Variants in YAE1 observed in about 807,000 individuals in gnomAD.
YAE1 encodes the protein protein YAE1 homolog.
A neutral mutation model predicts 23.0 loss-of-function variants in YAE1; 22 were observed. The observed-to-expected ratio is 0.96, with a 90% CI of 0.68 to 1.37. The LOEUF is 1.37. YAE1 is among the 40% of genes most tolerant of loss of function. YAE1 has a pLI of 0.00. For synonymous variants in YAE1, 101 were observed against 97.0 expected, an observed-to-expected ratio of 1.04 and a Z score of -0.24; for missense variants, 260 against 262.1, an observed-to-expected ratio of 0.99 and a Z score of 0.06.
intron 2 of YAE1, among the ~76,000 whole-genome samples, chr7:39,582,326 C>T (rs950027294): frequency 2.0e-5 from 3 of 151,448 alleles, no homozygotes; most frequent in African/African-American, 7.3e-5. Flanking sequence ...AGCCACCATG[C>T]CCAGCCAAAA....
Position 39,566,453 on chromosome 7 carries a change from G to A in YAE1, c.35G>A (p.Gly12Asp), listed in dbSNP as rs1790467475. The A allele has an allele frequency of 6.2e-7, 1 of 1,614,120 alleles. No individual in the cohort carries two copies. Among genetic ancestry groups the A allele is most frequent in the Non-Finnish European group, 8.5e-7 (1 of 1,180,038 alleles). Residue 12 changes from glycine to aspartate, a missense_variant, in exon 1 of 3, where the codon GGC (glycine) becomes GAC (aspartate). Coordinates refer to ENST00000223273, the MANE Select transcript of YAE1 (RefSeq NM_020192.5). ...GTTCAAGCAGCCTCCTTGATCCAGG[G>A]CCCTGGAGACAAAGGGGACGTGTTT... ...SWVQAASLIQ[G>D]PGDKGDVFDE...
At chr7:39,610,909 A>G (rs1791204491), downstream of YAE1, among the ~76,000 whole-genome samples, 1 of 152,114 alleles carries the variant, frequency 6.6e-6, no homozygotes, top group South Asian at 2.1e-4. Flanking sequence ...GCACTTTGGG[A>G]GGAGGCCGAG....
chr7:39,578,269 CTG>C (rs1444699386), intron 2 of YAE1, among the ~76,000 whole-genome samples: 1 of 152,188 alleles, frequency 6.6e-6, no homozygotes, highest in African/African-American at 2.4e-5. Context: ...AATCAGCACT[CTG>C]TCAAAACGGA....
intron 2 of YAE1, among the ~76,000 whole-genome samples, chr7:39,601,526 G>A (rs1212418739): frequency 1.2e-4 from 18 of 152,182 alleles, no homozygotes; most frequent in Admixed American, 9.2e-4. Flanking sequence ...TTGGGAGGCC[G>A]AGATGGGTGG....
At chr7:39,609,614 C>T in intron 2 of YAE1, 1 of 1,533,356 alleles carries the variant, frequency 6.5e-7, no homozygotes, top group Non-Finnish European at 8.7e-7. Flanking sequence ...TCTATCAAAA[C>T]AGGAACTCAA....
downstream of YAE1, among the ~76,000 whole-genome samples, chr7:39,573,883 A>G (rs989696350): frequency 1.3e-5 from 2 of 152,176 alleles, no homozygotes; most frequent in African/African-American, 4.8e-5. Flanking sequence ...ACAGCTGGCT[A>G]AAAAAAGCTC....
rs745928284 is a variant in YAE1 at position 39,572,505 on chromosome 7, C to G, written c.480C>G (p.Leu160=). ...TTGATGAAGCTAAAGATGAAAGACT[C>G]TGTGAAAATAATGCTGAGTTTAACA... ...KKIDEAKDER[L]CENNAEFNKN... The change falls in exon 3 of 3, where the codon CTC becomes CTG. Residue 160 remains leucine (L), a synonymous_variant. Coordinates refer to ENST00000223273, the MANE Select transcript of YAE1 (RefSeq NM_020192.5). The G allele has an allele frequency of 6.2e-7, 1 of 1,614,098 alleles. No individual in the cohort carries two copies. Among genetic ancestry groups the G allele is most frequent in the South Asian group, 1.1e-5 (1 of 91,080 alleles).
At position 39,579,100 on chromosome 7, in the gene YAE1, G is replaced by A. The variant is rs1421673132; in HGVS notation, c.251+8473G>A. Among the ~76,000 whole-genome samples the A allele has an allele frequency of 2.6e-5, 4 of 152,154 alleles. No homozygotes were observed. In the East Asian group the frequency reaches 7.7e-4, roughly 29 times the overall value. On this transcript the variant is annotated intron_variant, in intron 2 of 2. Coordinates refer to the YAE1 transcript ENST00000432096. The stretch of plus-strand genomic sequence containing the variant: ...AAAGAGAGGGGAAGTAATGGTTAAC[G>A]CAGGCAGTGTTTACTATATGTAGGC...
intron 2 of YAE1, among the ~76,000 whole-genome samples, chr7:39,600,714 G>T (rs896527438): frequency 2.8e-4 from 42 of 152,218 alleles, no homozygotes; most frequent in African/African-American, 9.6e-4. Context: ...TTTATTAAAA[G>T]GGGAAATTTG....
At chr7:39,587,718 A>G (rs1463227933) in intron 2 of YAE1, among the ~76,000 whole-genome samples, 4 of 152,174 alleles carry the variant, frequency 2.6e-5, no homozygotes, top group Non-Finnish European at 5.9e-5. Flanking sequence ...GCTGTGGAGT[A>G]TCTTCCTTTT....
chr7:39,604,172 C>T (rs1221255639), intron 2 of YAE1, among the ~76,000 whole-genome samples: 2 of 152,130 alleles, frequency 1.3e-5, no homozygotes, highest in African/African-American at 4.8e-5. Flanking sequence ...TATAGCTGTG[C>T]CTGTCAACAC....
At chr7:39,583,464 C>G (rs1790774440) in intron 2 of YAE1, among the ~76,000 whole-genome samples, 1 of 152,154 alleles carries the variant, frequency 6.6e-6, no homozygotes, top group African/African-American at 2.4e-5. Context: ...TCCACAATAT[C>G]CAATAAGATA....
downstream of YAE1, among the ~76,000 whole-genome samples, chr7:39,573,319 T>C (rs559724507): frequency 7.9e-5 from 12 of 152,272 alleles, no homozygotes; most frequent in African/African-American, 2.4e-4. Flanking sequence ...TATGCTAAAG[T>C]CTAAGGAAAA....
chr7:39,578,820 C>T (rs1790698522), intron 2 of YAE1, among the ~76,000 whole-genome samples: 1 of 152,232 alleles, frequency 6.6e-6, no homozygotes, highest in African/African-American at 2.4e-5. Context: ...ACTACATCGT[C>T]ATACACCAGG....
chr7:39,575,857 C>G (rs1790651214), downstream of YAE1, among the ~76,000 whole-genome samples: 1 of 152,164 alleles, frequency 6.6e-6, no homozygotes, highest in Admixed American at 6.5e-5. Flanking sequence ...GTTTTCAGTC[C>G]TATCATTTGT....
chr7:39,577,870 G>A (rs1251807832), downstream of YAE1, among the ~76,000 whole-genome samples: 1 of 152,276 alleles, frequency 6.6e-6, no homozygotes, highest in Non-Finnish European at 1.5e-5. Flanking sequence ...CGTGAGTCTA[G>A]TTGGGACTTG....
intron 2 of YAE1, among the ~76,000 whole-genome samples, chr7:39,594,898 A>G (rs892752222): frequency 1.3e-5 from 2 of 152,130 alleles, no homozygotes; most frequent in African/African-American, 2.4e-5. Flanking sequence ...GCCCAGCCAG[A>G]ACCTCGTTTT....
intron 2 of YAE1, among the ~76,000 whole-genome samples, chr7:39,602,402 A>G (rs1791066617): frequency 6.6e-6 from 1 of 152,250 alleles, no homozygotes; most frequent in Admixed American, 6.5e-5. Flanking sequence ...CTGAGATTTA[A>G]AACAAGTCTT....
chr7:39,576,221 A>G (rs1041360943), downstream of YAE1, among the ~76,000 whole-genome samples: 4 of 152,162 alleles, frequency 2.6e-5, no homozygotes, highest in African/African-American at 9.7e-5. Context: ...CTAATCACCC[A>G]GATTTTAATT....
Sources: allele counts gnomAD v4.1 joint callset (sites outside exome capture counted in the v4.1 genomes callset), GRCh38; gene constraint gnomAD v4.1.1; transcripts MANE v1.5; gene names NCBI Gene and HGNC (gene_info 2026-07-23, HGNC 2026-07-21).